Variants in SEPTIN3 observed in about 807,000 individuals in gnomAD.
SEPTIN3 encodes septin 3.
Under a neutral mutation model 45.1 loss-of-function variants are expected in SEPTIN3, and 15 were observed. The ratio of observed to expected loss-of-function variants is 0.33; its 90% CI spans 0.22 to 0.51. The LOEUF (loss-of-function observed/expected upper bound fraction) is 0.51, where lower values mean the gene tolerates loss of function less well. Ranked by LOEUF, SEPTIN3 falls within the 20% of genes least tolerant of loss-of-function variation. The probability of loss-of-function intolerance (pLI) is 0.97; values close to 1 mark genes in which losing one functional copy is unlikely to be tolerated. For missense variants in SEPTIN3, 289 were observed against 457.2 expected, an observed-to-expected ratio of 0.63 and a Z score of 3.35; for synonymous variants, 148 against 164.8, an observed-to-expected ratio of 0.90 and a Z score of 0.78.
chr22:41,985,681 C>T (rs546437895), intron 3 of SEPTIN3: 16 of 190,100 alleles, frequency 8.4e-5, no homozygotes, highest in South Asian at 2.7e-4. Flanking sequence ...AATGGAATCA[C>T]GAGAAAACAG....
chr22:41,993,629 T>C (rs1337438470), intron 9 of SEPTIN3, among the ~76,000 whole-genome samples: 1 of 152,174 alleles, frequency 6.6e-6, no homozygotes, highest in Non-Finnish European at 1.5e-5. Context: ...GTGCTGGGAT[T>C]ACAGATGTGA....
chr22:41,972,840 A>C lies in SEPTIN3; in HGVS notation c.1348A>C (p.Thr450Pro), dbSNP rs2077972801. The C allele has an allele frequency of 2.5e-6, 1 of 399,090 alleles. No homozygotes were observed. The highest frequency in any genetic ancestry group is 1.3e-4 in the South Asian group (1 of 7,866). 24.7% of individuals were successfully genotyped at this position (399,090 alleles called of 1,614,324 possible). A position where few individuals can be genotyped will look rare whatever the true frequency, so the allele number is the denominator to read the frequency against. ...PVTPDPATGK[T>P]TLGSVNNLTI... ...AACCCCAGACCCAGCCACTGGGAAGACCACACTGGGCAGTGTTAATAACCT... is the reference window on the plus strand; with the variant it reads ...AACCCCAGACCCAGCCACTGGGAAGCCCACACTGGGCAGTGTTAATAACCT... Residue 450 changes from threonine (T) to proline (P), a missense_variant, in exon 2 of 12, where the codon ACC becomes CCC. Thr to Pro is a conservative substitution (Grantham distance 38, BLOSUM62 -1). Transcript: ENST00000644076.
intron 2 of SEPTIN3, chr22:41,981,395 A>C (rs56861042): frequency 0.017 from 7,656 of 448,552 alleles, 368 homozygotes; most frequent in African/African-American, 0.11. Context: ...GAAAGTGCCC[A>C]GCAACCAGAG....
At position 41,994,883 on chromosome 22, in the gene SEPTIN3, C is replaced by CTGTGTGTGTGTGTGTGTG. The variant is rs59942714; in HGVS notation, c.2505+192_2505+209dup. 36 of 1,343,498 alleles carry CTGTGTGTGTGTGTGTGTG rather than the reference C, an allele frequency of 2.7e-5. No homozygotes were observed. The East Asian group carries it at 8.9e-4, about 33-fold the overall frequency. The allele number at this position is 1,343,498 out of a possible 1,614,324, so 83.2% of individuals were successfully genotyped here. On this transcript the variant is annotated intron_variant, in intron 11 of 11. Coordinates refer to ENST00000644076, the MANE Select transcript of SEPTIN3 (RefSeq NM_001363845.2). This position sits in a 1 kb window ranked among gnomAD's most constrained non-coding sequence, Gnocchi z 4.2. ...GTCTGGTATTTGTGGAGCATCTTGTCTGTGTGTGTGTGTGTGTGTGTGTGT... is the reference window on the plus strand; with the variant it reads ...GTCTGGTATTTGTGGAGCATCTTGTCTGTGTGTGTGTGTGTGTGTGTGTGTGTGTGTGTGTGTGTGTGT...
Position 41,989,647 on chromosome 22 carries a change from C to A in SEPTIN3, c.2126C>A (p.Thr709Asn). ...ATCCCTGTCATTGCTAAGGCTGACA[C>A]CATGACCCTGGAGGAGAAGTCTGAA... ...NIIPVIAKADTMTLEEKSEFK... is the reference protein window; with the variant it reads ...NIIPVIAKADNMTLEEKSEFK... Residue 709 changes from threonine (T) to asparagine (N), a missense_variant, in exon 7 of 12, where the codon ACC (threonine) becomes AAC (asparagine). Transcript: ENST00000644076. 6.2e-7 allele frequency: 1 copy of A among 1,613,594 alleles called. No individual in the cohort carries two copies. The highest frequency in any genetic ancestry group is 8.5e-7 in the Non-Finnish European group (1 of 1,179,548).
intron 2 of SEPTIN3, among the ~76,000 whole-genome samples, chr22:41,978,920 A>T (rs980796529): frequency 3.3e-5 from 5 of 150,276 alleles, no homozygotes; most frequent in African/African-American, 1.2e-4. Flanking sequence ...GAGGAGGAGG[A>T]GGAGGAGGAG....
intron 3 of SEPTIN3, among the ~76,000 whole-genome samples, chr22:41,984,842 TC>T (rs2078177128): frequency 7.5e-6 from 1 of 133,682 alleles, no homozygotes; most frequent in African/African-American, 2.7e-5. Flanking sequence ...CCAGTGGTTT[TC>T]CCTTTTTTTT....
chr22:41,980,465 C>T (rs2078104161), intron 2 of SEPTIN3, among the ~76,000 whole-genome samples: 1 of 152,136 alleles, frequency 6.6e-6, no homozygotes, highest in African/African-American at 2.4e-5. Context: ...CATCATGTCT[C>T]ATGAAAGCTC....
At position 41,994,303 on chromosome 22, in the gene SEPTIN3, C is replaced by T. The variant is rs772130998; in HGVS notation, c.2373C>T (p.Asn791=). The part of the protein sequence containing the change: ...PWGIIEVENL[N]HCEFALLRDF... ...TTTTGTTCATAGTGGAAAACCTCAA[C>T]CACTGTGAGTTTGCCCTGCTTCGAG... Residue 791 remains asparagine, a synonymous_variant, in exon 10 of 12, where the codon AAC becomes AAT. Coordinates refer to ENST00000644076, the MANE Select transcript of SEPTIN3 (RefSeq NM_001363845.2). The surrounding 1 kb of genome is among the most constrained non-coding windows in gnomAD (Gnocchi z 4.2). The T allele has an allele frequency of 2.5e-6, 4 of 1,614,050 alleles. No individual in the cohort carries two copies. The highest frequency in any genetic ancestry group is 2.7e-5 in the African/African-American group (2 of 75,066).
intron 1 of SEPTIN3, among the ~76,000 whole-genome samples, chr22:41,971,064 C>T (rs1359895205): frequency 3.9e-5 from 6 of 152,182 alleles, no homozygotes; most frequent in East Asian, 1.9e-4. Flanking sequence ...AAGGGAGAGA[C>T]GTCTCCAGTA....
In SEPTIN3 at chr22:41,972,245, C is replaced by G. The variant is rs929757987; in HGVS notation, c.753C>G (p.Asn251Lys). ...PRPRGRLQRA[N>K]TTVNLTAMDT... ...CCCGGGGGCGTCTCCAAAGGGCCAA[C>G]ACGACTGTGAATTTGACTGCTATGG... Residue 251 changes from asparagine to lysine, a missense_variant, in exon 2 of 12, where the codon AAC becomes AAG. Physicochemically the swap from Asn to Lys is moderately conservative, Grantham distance 94 (BLOSUM62 0). Around this residue, in one of 3 missense-constraint regions of SEPTIN3, gnomAD observed 200 missense variants for 315.1 expected, o/e 0.63. Transcript: ENST00000644076. The G allele has an allele frequency of 2.5e-6, 1 of 399,030 alleles. No individual in the cohort carries two copies. Among genetic ancestry groups the G allele is most frequent in the Non-Finnish European group, 4.4e-6 (1 of 226,132 alleles). 24.7% of individuals were successfully genotyped at this position (399,030 alleles called of 1,614,324 possible).
Position 41,981,646 on chromosome 22 carries a change from G to T in SEPTIN3, c.1506G>T (p.Gly502=). The T allele has an allele frequency of 6.2e-7, 1 of 1,610,716 alleles. No homozygotes were observed. The highest frequency in any genetic ancestry group is 8.5e-7 in the Non-Finnish European group (1 of 1,178,560). The stretch of plus-strand genomic sequence containing the variant: ...ACCCCTCCCACCTTGGCTCTGCAGG[G>T]CTCCCAGAGACCAGGACGGACGCAG... The part of the protein sequence containing the change: ...ASLDLATEYK[G]LPETRTDAAM... The change falls in exon 3 of 12, where the codon GGG becomes GGT. Residue 502 remains glycine (G), a splice_region_variant and synonymous_variant. Coordinates refer to ENST00000644076, the MANE Select transcript of SEPTIN3 (RefSeq NM_001363845.2).
chr22:41,985,126 G>A (rs2078185092), intron 3 of SEPTIN3, among the ~76,000 whole-genome samples: 2 of 152,148 alleles, frequency 1.3e-5, no homozygotes, highest in South Asian at 4.1e-4. Flanking sequence ...CCAAAGTGCT[G>A]GGATTACAGG....
In SEPTIN3 at chr22:41,971,769, T is replaced by C. The variant is rs2077961962; in HGVS notation, c.277T>C (p.Leu93=). 2 of 399,284 alleles carry C rather than the reference T, an allele frequency of 5.0e-6. No homozygotes were observed. The highest frequency in any genetic ancestry group is 7.1e-5 in the East Asian group (2 of 28,062). 24.7% of individuals were successfully genotyped at this position (399,284 alleles called of 1,614,324 possible). ...GACGGGCATCGCTCTGGGGGCTTCC[T>C]TGAGCCCCCTGCCCACCAGCAGCCT... ...QETGIALGAS[L]SPLPTSSLVP... Residue 93 remains leucine (L), a synonymous_variant, in exon 2 of 12, where the codon TTG becomes CTG. Coordinates refer to ENST00000644076, the MANE Select transcript of SEPTIN3 (RefSeq NM_001363845.2).
intron 11 of SEPTIN3, chr22:41,995,934 T>C (rs913486989): frequency 6.1e-6 from 6 of 982,374 alleles, no homozygotes; most frequent in Non-Finnish European, 7.3e-6. Flanking sequence ...ACATAATTTG[T>C]CTTTCTTAGT....
At chr22:41,982,175 G>A (rs2078131994) in intron 3 of SEPTIN3, 1 of 285,156 alleles carries the variant, frequency 3.5e-6, no homozygotes, top group East Asian at 7.4e-5. Context: ...AGGATTGGAT[G>A]AAGGGTGGTC....
chr22:41,988,181 T>C (rs946277742), intron 6 of SEPTIN3, among the ~76,000 whole-genome samples: 1 of 152,052 alleles, frequency 6.6e-6, no homozygotes, highest in Non-Finnish European at 1.5e-5. Context: ...GGCTGGTGTT[T>C]GGAGGGTAGG....
chr22:41,977,005 C>A, intron 2 of SEPTIN3: 5 of 1,563,032 alleles, frequency 3.2e-6, no homozygotes, highest in Non-Finnish European at 3.5e-6. Context: ...GCGCCCCGCT[C>A]AGCCTTGCAG....
chr22:41,987,552 C>T, intron 5 of SEPTIN3, 70 bp from the exon 6 acceptor site: 1 of 1,526,258 alleles, frequency 6.6e-7, no homozygotes, highest in Non-Finnish European at 9.0e-7. Flanking sequence ...AGATTGCTAC[C>T]AGATCATGCC....
Sources: allele counts gnomAD v4.1 joint callset (sites outside exome capture counted in the v4.1 genomes callset), GRCh38; gene constraint gnomAD v4.1.1; regional missense constraint gnomAD v4.1.1; non-coding constraint Gnocchi (gnomAD v3.1); transcripts MANE v1.5; gene names NCBI Gene and HGNC (gene_info 2026-07-23, HGNC 2026-07-21).